Variants in PPIL6 observed in about 807,000 individuals in gnomAD.
The protein encoded by PPIL6 is probable inactive peptidyl-prolyl cis-trans isomerase-like 6.
PPIL6 carries 39 observed loss-of-function variants against 36.8 expected under a neutral mutation model. The observed-to-expected ratio is 1.06, with a 90% CI of 0.82 to 1.38. PPIL6 has a LOEUF of 1.38. Ranked by LOEUF, PPIL6 falls within the 40% of genes most tolerant of loss-of-function variation. PPIL6 has a pLI of 0.00. For synonymous variants in PPIL6, 123 were observed against 134.1 expected (o/e 0.92, Z 0.57); for missense variants, 368 against 379.1 (o/e 0.97, Z 0.24).
chr6:109,414,477 C>CTTTTTTT (rs146541023), intron 6 of PPIL6, among the ~76,000 whole-genome samples: 103 of 86,538 alleles, frequency 1.2e-3, no homozygotes, highest in Non-Finnish European at 1.6e-3. Flanking sequence ...TGTCTTTTAG[C>CTTTTTTT]TTTTTTTTTT....
At chr6:109,404,979 G>T (rs1300299055) in intron 6 of PPIL6, 6 of 315,836 alleles carry the variant, frequency 1.9e-5, no homozygotes, top group Non-Finnish European at 3.7e-5. Flanking sequence ...ACTTGAACCT[G>T]GGAGGTGGAG....
At position 109,391,848 on chromosome 6, in the gene PPIL6, T is replaced by C. The variant is rs1772109397; in HGVS notation, c.*978A>G. The stretch of plus-strand genomic sequence containing the variant: ...AAACATCCAAAGTGTAGATACTCTT[T>C]CTGAATGCTGGTATAAACAATGAAA... On this transcript the variant is annotated 3_prime_UTR_variant, in exon 8 of 8. Coordinates refer to ENST00000521072, the MANE Select transcript of PPIL6 (RefSeq NM_173672.5). 1 of 152,072 alleles carries C rather than the reference T, an allele frequency of 6.6e-6. No homozygotes were observed. The highest frequency in any genetic ancestry group is 2.1e-4 in the South Asian group (1 of 4,824). The allele number at this position is 152,072 out of a possible 1,614,324, so 9.4% of individuals were successfully genotyped here. A position where few individuals can be genotyped will look rare whatever the true frequency, so the allele number is the denominator to read the frequency against.
chr6:109,418,927 T>C (rs1022984738), intron 6 of PPIL6, among the ~76,000 whole-genome samples: 1 of 152,148 alleles, frequency 6.6e-6, no homozygotes, highest in Non-Finnish European at 1.5e-5. Flanking sequence ...AAAATATAAA[T>C]TCCCTTTGAC....
rs144319594 is a variant in PPIL6, at chr6:109,407,180, A to G, written c.689-7010T>C. On this transcript the variant is annotated intron_variant, in intron 6 of 7. Transcript: ENST00000521072. ...ATAGACCTTTTCAGTGGATAGAGCTATATATATACACATTTGATACTTCTT... is the reference window on the plus strand; with the variant it reads ...ATAGACCTTTTCAGTGGATAGAGCTGTATATATACACATTTGATACTTCTT... Among the ~76,000 whole-genome samples the G allele has an allele frequency of 6.1e-4, 93 of 152,168 alleles. 1 individual carries two copies. The East Asian group carries it at 0.011, about 19-fold the overall frequency.
chr6:109,414,432 T>C (rs946115556), intron 6 of PPIL6, among the ~76,000 whole-genome samples: 1 of 151,964 alleles, frequency 6.6e-6, no homozygotes, highest in African/African-American at 2.4e-5. Context: ...AATTCTGATT[T>C]ATGAGCTCTT....
chr6:109,419,179 A>C lies in PPIL6; in HGVS notation c.688+8T>G. The C allele has an allele frequency of 6.6e-7, 1 of 1,512,632 alleles. No homozygotes were observed. The highest frequency in any genetic ancestry group is 9.2e-7 in the Non-Finnish European group (1 of 1,087,976). 93.7% of individuals were successfully genotyped at this position (1,512,632 alleles called of 1,614,324 possible). A position where few individuals can be genotyped will look rare whatever the true frequency, so the allele number is the denominator to read the frequency against. On this transcript the variant is annotated splice_region_variant and intron_variant, in intron 6 of 7. Coordinates refer to ENST00000521072, the MANE Select transcript of PPIL6 (RefSeq NM_173672.5). ...AATATATAACTAACAAAATGTAAAG[A>C]TACATACCTTCAAATGTTGGACCAT...
intron 6 of PPIL6, among the ~76,000 whole-genome samples, chr6:109,406,254 G>C (rs1352842069): frequency 6.7e-6 from 1 of 149,492 alleles, no homozygotes; most frequent in African/African-American, 2.5e-5. Context: ...ATCTCGTTAT[G>C]TTACCCTGGC....
rs1164061134 is a variant in PPIL6, at chr6:109,413,104, G to A, written c.688+6083C>T. Reference sequence around the variant, plus strand: ...ACCCAGGCAGCGGAGGTTGCAGTGAGCTGAGATGGCACCACTGCATTCTAT... The same window carrying A: ...ACCCAGGCAGCGGAGGTTGCAGTGAACTGAGATGGCACCACTGCATTCTAT... On this transcript the variant is annotated intron_variant, in intron 6 of 7. Transcript: ENST00000521072. This position sits in a 1 kb window ranked among gnomAD's most constrained non-coding sequence, Gnocchi z 4.6. Among the ~76,000 whole-genome samples, 1 of 152,182 alleles carries A rather than the reference G, an allele frequency of 6.6e-6. No homozygotes were observed. The highest frequency in any genetic ancestry group is 1.5e-5 in the Non-Finnish European group (1 of 68,026).
intron 7 of PPIL6, among the ~76,000 whole-genome samples, chr6:109,396,622 C>T (rs140818165): frequency 9.9e-4 from 151 of 152,290 alleles, no homozygotes; most frequent in African/African-American, 3.5e-3. Context: ...AGCTCACCTT[C>T]TCATGAAACT....
At chr6:109,399,964 T>A in intron 7 of PPIL6, 71 bp downstream of exon 7, 1 of 1,335,452 alleles carries the variant, frequency 7.5e-7, no homozygotes. Flanking sequence ...TATACAATAC[T>A]TATCCAAATA....
chr6:109,435,586 A>AC (rs1197451379), intron 2 of PPIL6, among the ~76,000 whole-genome samples: 1 of 151,668 alleles, frequency 6.6e-6, no homozygotes, highest in Non-Finnish European at 1.5e-5. Context: ...GTGGGCCACC[A>AC]CACCCAGCCC....
chr6:109,423,925 A>G (rs1046645749), intron 5 of PPIL6, among the ~76,000 whole-genome samples: 2 of 152,202 alleles, frequency 1.3e-5, no homozygotes, highest in African/African-American at 4.8e-5. Context: ...CACCTACTAT[A>G]TCTCAAGCAC....
chr6:109,409,202 T>C (rs1772914262), intron 6 of PPIL6, among the ~76,000 whole-genome samples: 1 of 152,122 alleles, frequency 6.6e-6, no homozygotes, highest in African/African-American at 2.4e-5. Context: ...TGGGTATAGT[T>C]CTCCTAGTAC....
chr6:109,414,181 C>T lies in PPIL6; in HGVS notation c.688+5006G>A, dbSNP rs569526205. ...TATTTTATATGATGTGATAATTTCA[C>T]ATTGCTTGCCTGTACCAAAATATCT... On this transcript the variant is annotated intron_variant, in intron 6 of 7. Coordinates refer to ENST00000521072, the MANE Select transcript of PPIL6 (RefSeq NM_173672.5). Among the ~76,000 whole-genome samples, 17 of 152,268 alleles carry T rather than the reference C, an allele frequency of 1.1e-4. 1 individual carries two copies. In the South Asian group the frequency reaches 1.9e-3, roughly 17 times the overall value.
chr6:109,434,956 G>A (rs1774364199), intron 2 of PPIL6, among the ~76,000 whole-genome samples: 2 of 152,168 alleles, frequency 1.3e-5, no homozygotes, highest in Non-Finnish European at 2.9e-5. Flanking sequence ...CCTAAGGTGT[G>A]GAGTTCTCTG....
intron 6 of PPIL6, among the ~76,000 whole-genome samples, chr6:109,401,803 C>T (rs1487063228): frequency 1.9e-5 from 2 of 106,448 alleles, no homozygotes; most frequent in South Asian, 3.1e-4. Flanking sequence ...TGGTTCACTG[C>T]AAGCTGCGCC....
chr6:109,436,369 C>G (rs1774448509), intron 1 of PPIL6, among the ~76,000 whole-genome samples, 170 bp from the exon 2 acceptor site: 1 of 152,138 alleles, frequency 6.6e-6, no homozygotes, highest in Admixed American at 6.5e-5. Context: ...TGTTCACCTC[C>G]AAGTTGCTCC....
At chr6:109,404,689 T>C (rs1772715582) in intron 6 of PPIL6, among the ~76,000 whole-genome samples, 1 of 152,224 alleles carries the variant, frequency 6.6e-6, no homozygotes, top group African/African-American at 2.4e-5. Flanking sequence ...ATGTTTTCAT[T>C]TGATAGAGCT....
intron 6 of PPIL6, among the ~76,000 whole-genome samples, chr6:109,409,415 T>A (rs1255251197): frequency 6.6e-6 from 1 of 151,970 alleles, no homozygotes; most frequent in Non-Finnish European, 1.5e-5. Flanking sequence ...TACAAAAAAA[T>A]TAGCCAGGCA....
Sources: gnomAD v4.1 joint callset for allele counts (sites outside exome capture counted in the v4.1 genomes callset) on GRCh38, gnomAD v4.1.1 for gene constraint, Gnocchi (gnomAD v3.1) non-coding constraint, MANE v1.5 for transcripts, NCBI Gene and HGNC (gene_info 2026-07-23, HGNC 2026-07-21) for gene names.